R3HDM1: variants seen among roughly 807,000 people sequenced by gnomAD.
The protein encoded by R3HDM1 is R3H domain-containing protein 1.
R3HDM1 carries 46 observed loss-of-function variants against 141.1 expected under a neutral mutation model. The observed-to-expected ratio is 0.33, with a 90% confidence interval of 0.26 to 0.42. R3HDM1 has a LOEUF of 0.42. Among genes scored for constraint, R3HDM1 ranks in the 10% least tolerant of loss-of-function variants. The probability of loss-of-function intolerance (pLI) is 1.00; values close to 1 mark genes in which losing one functional copy is unlikely to be tolerated. For missense variants in R3HDM1, 1,184 were observed against 1,368.3 expected, an observed-to-expected ratio of 0.87 and a Z score of 2.12; for synonymous variants, 435 against 472.9, an observed-to-expected ratio of 0.92 and a Z score of 1.04.
At chr2:135,574,044 G>C (rs1176073295) in intron 1 of R3HDM1, among the ~76,000 whole-genome samples, 2 of 151,970 alleles carry the variant, frequency 1.3e-5, no homozygotes, top group Admixed American at 6.6e-5. Context: ...ATGAGGTAGG[G>C]AATAGAAAAA....
chr2:135,641,174 C>T (rs1020767205), intron 14 of R3HDM1, among the ~76,000 whole-genome samples: 4 of 151,888 alleles, frequency 2.6e-5, no homozygotes, highest in African/African-American at 7.3e-5. Flanking sequence ...ATTCTTTTTC[C>T]TGGGGGAAAA....
At chr2:135,680,853 C>G (rs965005865) in intron 21 of R3HDM1, among the ~76,000 whole-genome samples, 1 of 152,196 alleles carries the variant, frequency 6.6e-6, no homozygotes, top group Non-Finnish European at 1.5e-5. Context: ...CAAGTCAGAT[C>G]TCTCTTGTGC....
intron 1 of R3HDM1, among the ~76,000 whole-genome samples, chr2:135,587,533 T>C (rs192983902): frequency 6.6e-6 from 1 of 152,200 alleles, no homozygotes; most frequent in South Asian, 2.1e-4. Flanking sequence ...ATTAGGGTCA[T>C]GAAAATATTA....
chr2:135,634,314 T>C (rs2063038103), intron 9 of R3HDM1, among the ~76,000 whole-genome samples: 1 of 152,108 alleles, frequency 6.6e-6, no homozygotes, highest in South Asian at 2.1e-4. Flanking sequence ...TTATTAGAAA[T>C]TCATAGGTTA....
rs562471842 is a variant in R3HDM1 at position 135,665,503 on chromosome 2, C to A, written c.2152+4110C>A. On this transcript the variant is annotated intron_variant, in intron 19 of 26. Coordinates refer to ENST00000683871, the MANE Select transcript of R3HDM1 (RefSeq NM_001378107.1). ...CCTGGCTTCTTTTTACTCAGGTTTCCACTGCTTTTTTGCTTTTTTTAATGC... is the reference window on the plus strand; with the variant it reads ...CCTGGCTTCTTTTTACTCAGGTTTCAACTGCTTTTTTGCTTTTTTTAATGC... 2.5e-5 allele frequency: 13 copies of A among 528,246 alleles called. No homozygotes were observed. The African/African-American group carries it at 2.5e-4, about 10-fold the overall frequency. The allele number at this position is 528,246 out of a possible 1,614,324, so 32.7% of individuals were successfully genotyped here. A position where few individuals can be genotyped will look rare whatever the true frequency, so the allele number is the denominator to read the frequency against.
chr2:135,543,605 A>G (rs1553518658), intron 1 of R3HDM1, among the ~76,000 whole-genome samples: 1 of 152,182 alleles, frequency 6.6e-6, no homozygotes, highest in Non-Finnish European at 1.5e-5. Flanking sequence ...ATTTTAAAAA[A>G]TATTTAATGA....
At chr2:135,608,446 T>A (rs1360480382) in intron 3 of R3HDM1, among the ~76,000 whole-genome samples, 1 of 152,170 alleles carries the variant, frequency 6.6e-6, no homozygotes, top group Non-Finnish European at 1.5e-5. Context: ...ATACCTTGTA[T>A]AGAACAGATT....
intron 1 of R3HDM1, among the ~76,000 whole-genome samples, chr2:135,564,007 T>A (rs1174148157): frequency 6.6e-6 from 1 of 151,994 alleles, no homozygotes; most frequent in African/African-American, 2.4e-5. Flanking sequence ...ATGAATCACA[T>A]CCTCTATGAT....
chr2:135,708,972 A>T (rs1006386379), intron 21 of R3HDM1, among the ~76,000 whole-genome samples: 2 of 151,884 alleles, frequency 1.3e-5, no homozygotes, highest in African/African-American at 4.8e-5. Context: ...AAAAAAAAAA[A>T]AAAAAACTAA....
At chr2:135,723,629 T>C (rs1014314420) in intron 26 of R3HDM1, among the ~76,000 whole-genome samples, 2 of 150,950 alleles carry the variant, frequency 1.3e-5, no homozygotes, top group Non-Finnish European at 3.0e-5. Flanking sequence ...CACAAAAAAT[T>C]AGCTGGGCAT....
intron 21 of R3HDM1, among the ~76,000 whole-genome samples, chr2:135,708,099 C>T (rs185439818): frequency 3.1e-4 from 47 of 152,292 alleles, no homozygotes; most frequent in Non-Finnish European, 6.0e-4. Flanking sequence ...AAATCTCTGC[C>T]TCTTCTCCCT....
chr2:135,723,778 C>CAAA lies in R3HDM1; in HGVS notation c.3050-134_3050-132dup, dbSNP rs541423067. Among the ~76,000 whole-genome samples the CAAA allele has an allele frequency of 4.9e-3, 271 of 55,306 alleles. 22 individuals carry two copies. The East Asian group carries it at 0.081, about 17-fold the overall frequency. 36.3% of individuals were successfully genotyped at this position (55,306 alleles called of 152,430 possible). ...GGAGACAGAGTCAGACTCCATCTCC[C>CAAA]AAAAAAAAAAAAAAAAAAAAAAAAA... On this transcript the variant is annotated intron_variant, in intron 26 of 26. Transcript: ENST00000683871.
chr2:135,638,294 G>C (rs2063461661), intron 11 of R3HDM1, among the ~76,000 whole-genome samples: 1 of 152,160 alleles, frequency 6.6e-6, no homozygotes, highest in Non-Finnish European at 1.5e-5. Flanking sequence ...TTTGTTAAGT[G>C]AATGAAGTGG....
intron 19 of R3HDM1, among the ~76,000 whole-genome samples, chr2:135,671,016 C>A (rs2068253212): frequency 6.6e-6 from 1 of 151,756 alleles, no homozygotes; most frequent in Non-Finnish European, 1.5e-5. Context: ...TGAGATTGCG[C>A]CACTGCATTC....
At chr2:135,573,215 G>T (rs556237178) in intron 1 of R3HDM1, among the ~76,000 whole-genome samples, 1 of 152,306 alleles carries the variant, frequency 6.6e-6, no homozygotes, top group East Asian at 1.9e-4. Flanking sequence ...AATAGCTAAA[G>T]ACAGTAGTGG....
Position 135,602,679 on chromosome 2 carries a change from C to A in R3HDM1, c.-70C>A. 1 of 1,534,362 alleles carries A rather than the reference C, an allele frequency of 6.5e-7. No individual in the cohort carries two copies. The highest frequency in any genetic ancestry group is 8.8e-7 in the Non-Finnish European group (1 of 1,142,056). On this transcript the variant is annotated 5_prime_UTR_variant, in exon 2 of 27. Transcript: ENST00000683871. ...TATTTTATTTTATTTTTGTGGGACA[C>A]CACAATCCCAAATCCAAAGGACGCA...
At chr2:135,694,414 G>A (rs2072927349) in intron 21 of R3HDM1, among the ~76,000 whole-genome samples, 2 of 152,108 alleles carry the variant, frequency 1.3e-5, no homozygotes, top group African/African-American at 4.8e-5. Context: ...CAATATGAGG[G>A]ATATTGAAGA....
chr2:135,653,939 C>A (rs1005660997), intron 18 of R3HDM1, among the ~76,000 whole-genome samples: 4 of 152,040 alleles, frequency 2.6e-5, no homozygotes, highest in Non-Finnish European at 4.4e-5. Flanking sequence ...TTTTGTGGGG[C>A]AGGGCATTTT....
chr2:135,561,813 G>A (rs940999191), intron 1 of R3HDM1, among the ~76,000 whole-genome samples: 1 of 152,080 alleles, frequency 6.6e-6, no homozygotes, highest in Non-Finnish European at 1.5e-5. Flanking sequence ...TACACAAGCG[G>A]TAAGAAGATT....
Sources: gnomAD v4.1 joint callset for allele counts (sites outside exome capture counted in the v4.1 genomes callset) on GRCh38, gnomAD v4.1.1 for gene constraint, MANE v1.5 for transcripts, NCBI Gene and HGNC (gene_info 2026-07-23, HGNC 2026-07-21) for gene names.